The following PPP6R3 variants were observed in gnomAD, a reference collection of about 807,000 sequenced individuals.
PPP6R3 encodes protein phosphatase 6 regulatory subunit 3.
In PPP6R3, 38 loss-of-function variants were observed where a neutral mutation model predicts 110.7. The ratio of observed to expected loss-of-function variants is 0.34; its 90% CI spans 0.26 to 0.45. PPP6R3 has a LOEUF of 0.45. PPP6R3 is among the 20% of genes least tolerant of loss of function. PPP6R3 has a pLI of 1.00. For missense variants in PPP6R3, 870 were observed against 1,062.4 expected (o/e 0.82, Z 2.52); for synonymous variants, 369 against 373.5 (o/e 0.99, Z 0.14).
chr11:68,568,504 T>C (rs181515858), intron 10 of PPP6R3, among the ~76,000 whole-genome samples: 1 of 152,318 alleles, frequency 6.6e-6, no homozygotes, highest in African/African-American at 2.4e-5. Context: ...TTTTGTACTT[T>C]TAGAAATTCT....
At chr11:68,521,038 C>T (rs1037889312) in intron 2 of PPP6R3, among the ~76,000 whole-genome samples, 3 of 152,158 alleles carry the variant, frequency 2.0e-5, no homozygotes, top group Non-Finnish European at 2.9e-5. Flanking sequence ...TCCCAAAGTG[C>T]TGGTATTACA....
rs200079747 is a variant in PPP6R3, at chr11:68,587,906, C to T, written c.1633-21C>T. On this transcript the variant is annotated intron_variant, in intron 15 of 23. Transcript: ENST00000393800. ...ATCATTAGAATCATTATATCACTGT[C>T]ACTGGTCCTGGGGTTGCCAGGCCTT... 1.9e-6 allele frequency: 3 copies of T among 1,580,892 alleles called. 1 individual carries two copies. The Admixed American group carries it at 5.0e-5, about 26-fold the overall frequency.
chr11:68,597,817 G>GAAAA (rs10690649), intron 19 of PPP6R3, among the ~76,000 whole-genome samples: 4 of 119,446 alleles, frequency 3.3e-5, no homozygotes, highest in East Asian at 2.4e-4. Context: ...TGTCTCTACT[G>GAAAA]AAAAAAAAAA....
chr11:68,482,328 C>A (rs559389610), intron 1 of PPP6R3, among the ~76,000 whole-genome samples: 2 of 151,020 alleles, frequency 1.3e-5, no homozygotes, highest in African/African-American at 2.4e-5. Flanking sequence ...GCAGGAAAAC[C>A]GCTTGAACCC....
chr11:68,535,266 A>G (rs2099263759), intron 2 of PPP6R3: 1 of 152,224 alleles, frequency 6.6e-6, no homozygotes, highest in Non-Finnish European at 1.5e-5. Flanking sequence ...TTAGCCTAGC[A>G]GCATAGTGGC....
chr11:68,583,958 C>T (rs746365761), intron 15 of PPP6R3, among the ~76,000 whole-genome samples: 3 of 152,176 alleles, frequency 2.0e-5, no homozygotes, highest in Non-Finnish European at 2.9e-5. Flanking sequence ...TTAGATGAAG[C>T]TTCACATGCT....
intron 2 of PPP6R3, among the ~76,000 whole-genome samples, chr11:68,523,241 C>CT (rs944111486): frequency 1.3e-5 from 2 of 152,200 alleles, no homozygotes; most frequent in Admixed American, 1.3e-4. Context: ...CTTGGACTCA[C>CT]TTTTTCCAAA....
At chr11:68,568,672 C>T (rs1424622632) in intron 10 of PPP6R3, among the ~76,000 whole-genome samples, 2 of 152,078 alleles carry the variant, frequency 1.3e-5, no homozygotes, top group African/African-American at 2.4e-5. Context: ...GACTGTGGAC[C>T]GTATTTTTGT....
intron 1 of PPP6R3, among the ~76,000 whole-genome samples, chr11:68,480,182 A>G (rs975313476): frequency 6.6e-5 from 10 of 152,098 alleles, no homozygotes; most frequent in Admixed American, 1.3e-4. Flanking sequence ...TATACGGACC[A>G]TATATTCTGT....
intron 14 of PPP6R3, among the ~76,000 whole-genome samples, chr11:68,577,004 C>T (rs1457191944): frequency 2.0e-5 from 3 of 152,160 alleles, no homozygotes; most frequent in African/African-American, 7.2e-5. Flanking sequence ...AGACTCCTGA[C>T]AGAGTCACAC....
Position 68,470,326 on chromosome 11 carries a change from G to T in PPP6R3, c.-158+9499G>T, listed in dbSNP as rs915298381. Among the ~76,000 whole-genome samples the T allele has an allele frequency of 4.6e-5, 7 of 152,204 alleles. No homozygotes were observed. In the Middle Eastern group the frequency reaches 0.017, roughly 370 times the overall value. On this transcript the variant is annotated intron_variant, in intron 1 of 23. Transcript: ENST00000393800. ...GCCACAAGGCTGTGGGTGGCAGTGG[G>T]GTAGGGGCAGCATTATAGGCGGAGG...
intron 1 of PPP6R3, among the ~76,000 whole-genome samples, chr11:68,499,778 TC>T (rs2153474896): frequency 6.6e-6 from 1 of 152,132 alleles, no homozygotes; most frequent in South Asian, 2.1e-4. Flanking sequence ...TTGCCATGTT[TC>T]CCAGGCTGGT....
At chr11:68,543,136 A>T (rs536373831) in intron 3 of PPP6R3, among the ~76,000 whole-genome samples, 1 of 152,152 alleles carries the variant, frequency 6.6e-6, no homozygotes, top group African/African-American at 2.4e-5. Context: ...TAAGATAAGG[A>T]CTATTGTCTT....
chr11:68,479,812 CA>C (rs967960995), intron 1 of PPP6R3, among the ~76,000 whole-genome samples: 2 of 151,982 alleles, frequency 1.3e-5, no homozygotes, highest in African/African-American at 4.8e-5. Context: ...TATCCTGGCT[CA>C]CTGTAGCCTC....
chr11:68,592,729 A>G (rs1406968182), intron 18 of PPP6R3, among the ~76,000 whole-genome samples: 1 of 152,238 alleles, frequency 6.6e-6, no homozygotes, highest in Non-Finnish European at 1.5e-5. Flanking sequence ...GCCAGACAGC[A>G]AAAGAAAAAT....
intron 16 of PPP6R3, 152 bp downstream of exon 16, chr11:68,588,176 C>A: frequency 1.4e-6 from 1 of 718,238 alleles, no homozygotes; most frequent in Non-Finnish European, 2.4e-6. Context: ...AGCAGATTGG[C>A]CCTGGGACTG....
chr11:68,602,923 G>C (rs1421923307), intron 21 of PPP6R3, among the ~76,000 whole-genome samples: 1 of 152,144 alleles, frequency 6.6e-6, no homozygotes, highest in Non-Finnish European at 1.5e-5. Context: ...CGATCCACCA[G>C]CAACACCACA....
chr11:68,523,454 C>T lies in PPP6R3; in HGVS notation c.-7+3803C>T, dbSNP rs147075724. 1.5e-3 allele frequency among the ~76,000 whole-genome samples: 231 copies of T among 152,334 alleles called. 1 individual carries two copies. The highest frequency in any genetic ancestry group is 2.2e-3 in the Non-Finnish European group (153 of 68,028). On this transcript the variant is annotated intron_variant, in intron 2 of 23. Transcript: ENST00000393800. ...AATAGATCCGTCAGACCTTCCATGT[C>T]TGAAAACGTTGGTTTCAAGAATTGA...
chr11:68,533,384 A>G (rs2099251429), intron 2 of PPP6R3, among the ~76,000 whole-genome samples: 1 of 152,186 alleles, frequency 6.6e-6, no homozygotes, highest in East Asian at 1.9e-4. Context: ...TCTTATTTGA[A>G]AAATGCTATT....
Sources: gnomAD v4.1 joint callset for allele counts (sites outside exome capture counted in the v4.1 genomes callset) on GRCh38, gnomAD v4.1.1 for gene constraint, MANE v1.5 for transcripts, NCBI Gene and HGNC (gene_info 2026-07-23, HGNC 2026-07-21) for gene names.